The following FER variants were observed in gnomAD, a reference collection of about 807,000 sequenced individuals.
The protein encoded by FER is tyrosine-protein kinase Fer.
FER carries 63 observed loss-of-function variants against 111.0 expected under a neutral mutation model. The ratio of observed to expected loss-of-function variants is 0.57; its 90% CI spans 0.46 to 0.70. The LOEUF is 0.70. Among genes scored for constraint, FER ranks in the 30% least tolerant of loss-of-function variants. The pLI, the probability that FER is intolerant of heterozygous loss-of-function variation, is 0.00. For missense variants in FER, 914 were observed against 954.0 expected (o/e 0.96, Z 0.55); for synonymous variants, 327 against 313.9 (o/e 1.04, Z -0.44).
intron 17 of FER, among the ~76,000 whole-genome samples, chr5:109,172,449 A>G (rs939988802): frequency 8.1e-6 from 1 of 123,348 alleles, no homozygotes; most frequent in African/African-American, 3.1e-5. Context: ...ACACATGGAC[A>G]CAGGAAGGGG....
chr5:108,757,545 C>T (rs1751254534), intron 1 of FER, among the ~76,000 whole-genome samples: 1 of 152,024 alleles, frequency 6.6e-6, no homozygotes, highest in South Asian at 2.1e-4. Flanking sequence ...TCCTCCATGC[C>T]TTAGAGGTAA....
At chr5:109,105,602 A>G (rs1236180945) in intron 17 of FER, among the ~76,000 whole-genome samples, 1 of 152,228 alleles carries the variant, frequency 6.6e-6, no homozygotes, top group Non-Finnish European at 1.5e-5. Context: ...ACTTTAAGTA[A>G]CTGAGACCCA....
intron 6 of FER, among the ~76,000 whole-genome samples, chr5:108,868,886 T>C (rs1274098905): frequency 1.3e-5 from 2 of 152,156 alleles, no homozygotes; most frequent in Non-Finnish European, 1.5e-5. Flanking sequence ...TAAATTGATA[T>C]GAAAAATTAT....
At chr5:109,049,203 A>G (rs1243966185) in intron 16 of FER, among the ~76,000 whole-genome samples, 1 of 152,138 alleles carries the variant, frequency 6.6e-6, no homozygotes, top group East Asian at 1.9e-4. Context: ...AGTGACACCC[A>G]TTTTTTACCT....
intron 17 of FER, among the ~76,000 whole-genome samples, chr5:109,136,647 C>G (rs1483263871): frequency 6.6e-6 from 1 of 152,054 alleles, no homozygotes. Flanking sequence ...TAATTATCAC[C>G]ATTTTATAGA....
chr5:109,145,879 C>A (rs371677302), intron 17 of FER, among the ~76,000 whole-genome samples: 1 of 150,898 alleles, frequency 6.6e-6, no homozygotes, highest in East Asian at 1.9e-4. Context: ...AGCTATTTGG[C>A]TGCCTAGAAA....
intron 10 of FER, among the ~76,000 whole-genome samples, chr5:108,928,110 G>T (rs76805833): frequency 6.6e-6 from 1 of 152,182 alleles, no homozygotes; most frequent in African/African-American, 2.4e-5. Flanking sequence ...GCACAGTACC[G>T]CTAGTTTGAT....
intron 13 of FER, among the ~76,000 whole-genome samples, chr5:109,015,563 G>T (rs1283443404): frequency 6.6e-6 from 1 of 151,984 alleles, no homozygotes; most frequent in Non-Finnish European, 1.5e-5. Context: ...TGCCAGTGGA[G>T]ACTGACAGGT....
At chr5:108,986,155 T>C (rs1429174886) in intron 13 of FER, among the ~76,000 whole-genome samples, 2 of 152,020 alleles carry the variant, frequency 1.3e-5, no homozygotes, top group Non-Finnish European at 2.9e-5. Flanking sequence ...TGGTATCACA[T>C]TGTGGTTTTG....
intron 17 of FER, among the ~76,000 whole-genome samples, chr5:109,120,903 G>A (rs75607946): frequency 0.11 from 15,976 of 152,008 alleles, 847 homozygotes; most frequent in Non-Finnish European, 0.12. Flanking sequence ...CTTGTTTGCT[G>A]TTGGCATATG....
At chr5:108,975,205 G>A (rs1461477139) in intron 13 of FER, among the ~76,000 whole-genome samples, 1 of 152,110 alleles carries the variant, frequency 6.6e-6, no homozygotes, top group Non-Finnish European at 1.5e-5. Flanking sequence ...TGAACAGTGA[G>A]AACACATGGA....
At chr5:109,168,355 A>G (rs72798574) in intron 17 of FER, among the ~76,000 whole-genome samples, 57,049 of 151,872 alleles carry the variant, frequency 0.38, 10,940 homozygotes, top group Non-Finnish European at 0.4. Context: ...GATGGGGCCT[A>G]GTCACCAGAA....
intron 10 of FER, among the ~76,000 whole-genome samples, chr5:108,935,203 C>A (rs144194002): frequency 6.6e-6 from 1 of 152,008 alleles, no homozygotes; most frequent in South Asian, 2.1e-4. Flanking sequence ...TTCGGGAGGC[C>A]AGAAGTCCAA....
intron 17 of FER, among the ~76,000 whole-genome samples, chr5:109,137,280 A>G (rs1387141438): frequency 6.6e-6 from 1 of 152,220 alleles, no homozygotes; most frequent in Non-Finnish European, 1.5e-5. Flanking sequence ...GATGGACAAG[A>G]GGCTGCTCTG....
At chr5:108,823,791 CTTG>C (rs1374906011) in intron 3 of FER, among the ~76,000 whole-genome samples, 2 of 152,074 alleles carry the variant, frequency 1.3e-5, no homozygotes, top group Non-Finnish European at 2.9e-5. Flanking sequence ...TGCAGTCTCA[CTTG>C]TTTAATTTTG....
intron 5 of FER, among the ~76,000 whole-genome samples, chr5:108,865,192 G>T (rs994133251): frequency 3.3e-5 from 5 of 152,112 alleles, no homozygotes; most frequent in Non-Finnish European, 7.4e-5. Flanking sequence ...TGTGATTTTT[G>T]CACATTGATT....
At chr5:109,113,231 G>T (rs1749836667) in intron 17 of FER, among the ~76,000 whole-genome samples, 1 of 151,982 alleles carries the variant, frequency 6.6e-6, no homozygotes, top group Non-Finnish European at 1.5e-5. Context: ...GTGAAAACTG[G>T]GTTTTTCCTG....
chr5:109,149,488 A>G (rs573898886), intron 17 of FER, among the ~76,000 whole-genome samples: 142 of 152,302 alleles, frequency 9.3e-4, no homozygotes, highest in Non-Finnish European at 1.6e-3. Flanking sequence ...ATTTTGAACT[A>G]CAAAGAACTG....
chr5:109,097,610 T>G (rs1747701464), intron 16 of FER, among the ~76,000 whole-genome samples: 1 of 151,936 alleles, frequency 6.6e-6, no homozygotes, highest in Non-Finnish European at 1.5e-5. Context: ...AGGCTCTGCC[T>G]TCTAAAATAA....
Sources: gnomAD v4.1 joint callset for allele counts (sites outside exome capture counted in the v4.1 genomes callset) on GRCh38, gnomAD v4.1.1 for gene constraint, MANE v1.5 for transcripts, NCBI Gene and HGNC (gene_info 2026-07-23, HGNC 2026-07-21) for gene names.